Variants in NLGN4X observed in about 807,000 individuals in gnomAD.
NLGN4X encodes neuroligin-4, X-linked.
In NLGN4X, 3 loss-of-function variants were observed where a neutral mutation model predicts 40.3. The ratio of observed to expected loss-of-function variants is 0.07; its 90% CI spans 0.03 to 0.19. The LOEUF (loss-of-function observed/expected upper bound fraction) is 0.19, where lower values mean the gene tolerates loss of function less well. NLGN4X is among the 10% of genes least tolerant of loss of function. The pLI is 1.00. For missense variants in NLGN4X, 382 were observed against 708.3 expected, an observed-to-expected ratio of 0.54 and a Z score of 5.23; for synonymous variants, 270 against 306.8, an observed-to-expected ratio of 0.88 and a Z score of 1.25.
intron 2 of NLGN4X, among the ~76,000 whole-genome samples, chrX:6,115,300 T>C (rs996929650): frequency 1.8e-5 from 2 of 111,778 alleles, no homozygotes; most frequent in Non-Finnish European, 3.8e-5. Context: ...GTGGCACATA[T>C]CAGAACAAAG....
chrX:6,040,697 T>G (rs1416150434), intron 2 of NLGN4X, among the ~76,000 whole-genome samples: 1 of 112,199 alleles, frequency 8.9e-6, no homozygotes, highest in African/African-American at 3.2e-5. Flanking sequence ...ATGCCAAGTT[T>G]TATATCTGCT....
At position 5,989,585 on chromosome X, in the gene NLGN4X, A is replaced by G. The variant is rs185974953; in HGVS notation, c.625+39695T>C. Among the ~76,000 whole-genome samples the G allele has an allele frequency of 1.3e-3, 145 of 112,691 alleles. 1 individual carries two copies. Among genetic ancestry groups the G allele is most frequent in the Admixed American group, 4.8e-3 (51 of 10,628 alleles). On this transcript the variant is annotated intron_variant, in intron 3 of 5. Coordinates refer to ENST00000381095, the MANE Select transcript of NLGN4X (RefSeq NM_181332.3). ...GCATTGCTAAACTTTTGCTATTGCA[A>G]CTTCCATCTTAATTTCCTAAAGTCC... is the stretch of plus-strand genomic sequence containing the variant.
At chrX:5,966,584 TTATTAG>T (rs1271275915) in intron 3 of NLGN4X, among the ~76,000 whole-genome samples, 1 of 112,720 alleles carries the variant, frequency 8.9e-6, no homozygotes, top group East Asian at 2.8e-4. Context: ...TTGCCTGTTA[TTATTAG>T]TAAGTATACT....
At chrX:5,959,382 T>C (rs1324212667) in intron 3 of NLGN4X, among the ~76,000 whole-genome samples, 1 of 111,993 alleles carries the variant, frequency 8.9e-6, no homozygotes, top group African/African-American at 3.2e-5. Flanking sequence ...CCAATTTGTA[T>C]GTTTTGAATA....
chrX:6,143,475 T>C (rs1219601682), intron 2 of NLGN4X, among the ~76,000 whole-genome samples: 1 of 112,416 alleles, frequency 8.9e-6, no homozygotes, highest in African/African-American at 3.2e-5. Flanking sequence ...AGCCGCGATC[T>C]TGAGTGAAAC....
intron 2 of NLGN4X, among the ~76,000 whole-genome samples, chrX:6,136,111 T>C (rs893981519): frequency 3.6e-5 from 4 of 111,788 alleles, no homozygotes; most frequent in Non-Finnish European, 3.8e-5. Flanking sequence ...CCCAGGCTCA[T>C]AGCTGCCATG....
At chrX:6,044,829 A>G (rs2037272589) in intron 2 of NLGN4X, among the ~76,000 whole-genome samples, 1 of 112,299 alleles carries the variant, frequency 8.9e-6, no homozygotes, top group Admixed American at 9.4e-5. Flanking sequence ...TGCGCTAATA[A>G]AGTCTTAAAA....
At chrX:6,213,550 G>A (rs985617811) in intron 1 of NLGN4X, among the ~76,000 whole-genome samples, 4 of 112,260 alleles carry the variant, frequency 3.6e-5, no homozygotes, top group South Asian at 3.7e-4. Flanking sequence ...TATGCGTGTG[G>A]AGTTAAAGAG....
intron 2 of NLGN4X, among the ~76,000 whole-genome samples, chrX:6,114,987 A>C (rs927528184): frequency 8.9e-5 from 10 of 112,561 alleles, no homozygotes; most frequent in Admixed American, 9.4e-5. Context: ...GTCTAAACTA[A>C]ATGGGTTCAT....
chrX:6,170,540 A>C (rs1008307349), intron 1 of NLGN4X, among the ~76,000 whole-genome samples: 3 of 111,717 alleles, frequency 2.7e-5, no homozygotes, highest in Admixed American at 9.5e-5. Context: ...TTTTCTTTTG[A>C]AAAAATTTTG....
intron 1 of NLGN4X, among the ~76,000 whole-genome samples, chrX:6,157,624 G>A: frequency 8.9e-6 from 1 of 111,781 alleles, no homozygotes; most frequent in East Asian, 2.8e-4. Flanking sequence ...GGTAGATTCA[G>A]TGTATGGTGA....
chrX:6,189,638 CTG>C (rs1279374841), intron 1 of NLGN4X, among the ~76,000 whole-genome samples: 1 of 111,822 alleles, frequency 8.9e-6, no homozygotes, highest in Non-Finnish European at 1.9e-5. Context: ...ATATTATAAG[CTG>C]TGACTCGTCT....
At chrX:5,982,348 A>T (rs899257240) in intron 3 of NLGN4X, among the ~76,000 whole-genome samples, 3 of 112,272 alleles carry the variant, frequency 2.7e-5, no homozygotes, top group African/African-American at 6.5e-5. Flanking sequence ...GTTAGGAATG[A>T]GATTGCTGAT....
intron 2 of NLGN4X, among the ~76,000 whole-genome samples, chrX:6,092,179 A>C (rs913749316): frequency 1.3e-4 from 15 of 111,811 alleles, no homozygotes; most frequent in African/African-American, 4.2e-4. Context: ...TCTGGGCACA[A>C]GGAAGTAAGA....
intron 3 of NLGN4X, among the ~76,000 whole-genome samples, chrX:6,021,542 T>G (rs2036558171): frequency 9.1e-6 from 1 of 110,440 alleles, no homozygotes; most frequent in Non-Finnish European, 1.9e-5. Flanking sequence ...AAGAGGAAAG[T>G]CCAAGCAAAC....
intron 2 of NLGN4X, among the ~76,000 whole-genome samples, chrX:6,136,147 T>C (rs2039815478): frequency 8.9e-6 from 1 of 112,017 alleles, no homozygotes; most frequent in African/African-American, 3.2e-5. Context: ...GGTGCTATCA[T>C]AGCTCACTGC....
At chrX:5,943,196 G>T (rs2034006634) in intron 3 of NLGN4X, among the ~76,000 whole-genome samples, 1 of 111,403 alleles carries the variant, frequency 9.0e-6, no homozygotes, top group African/African-American at 3.3e-5. Context: ...GAGGAAGGAG[G>T]CCAGGAGTCA....
At chrX:6,196,582 G>A (rs1378191598) in intron 1 of NLGN4X, among the ~76,000 whole-genome samples, 49 of 48,135 alleles carry the variant, frequency 1.0e-3, no homozygotes, top group Non-Finnish European at 1.6e-3. Context: ...AAAAAAAAAA[G>A]TGTCTCATGT....
At chrX:6,174,485 T>C (rs1370555244) in intron 1 of NLGN4X, among the ~76,000 whole-genome samples, 2 of 112,036 alleles carry the variant, frequency 1.8e-5, no homozygotes, top group Non-Finnish European at 3.8e-5. Context: ...TGCATTTGTA[T>C]GTTCACTGTA....
Sources: allele counts gnomAD v4.1 joint callset (sites outside exome capture counted in the v4.1 genomes callset), GRCh38; gene constraint gnomAD v4.1.1; transcripts MANE v1.5; gene names NCBI Gene and HGNC (gene_info 2026-07-23, HGNC 2026-07-21).